The following RPS6KA2 variants were observed in gnomAD, a reference collection of about 807,000 sequenced individuals.
The protein encoded by RPS6KA2 is ribosomal protein S6 kinase A2.
In RPS6KA2, 42 loss-of-function variants were observed where a neutral mutation model predicts 91.8. The ratio of observed to expected loss-of-function variants is 0.46; its 90% confidence interval spans 0.36 to 0.59. The LOEUF is 0.59. Ranked by LOEUF, RPS6KA2 falls within the 20% of genes least tolerant of loss-of-function variation. The probability of loss-of-function intolerance (pLI) is 0.00; values close to 1 mark genes in which losing one functional copy is unlikely to be tolerated. For synonymous variants in RPS6KA2, 414 were observed against 393.6 expected, an observed-to-expected ratio of 1.05 and a Z score of -0.61; for missense variants, 798 against 978.5, an observed-to-expected ratio of 0.82 and a Z score of 2.46.
chr6:166,508,552 C>T lies in RPS6KA2; in HGVS notation c.380-270G>A, dbSNP rs189864398. Among the ~76,000 whole-genome samples, 2 of 152,174 alleles carry T rather than the reference C, an allele frequency of 1.3e-5. No homozygotes were observed. Among genetic ancestry groups the T allele is most frequent in the East Asian group, 1.9e-4 (1 of 5,176 alleles). ...CTCTCCCCTCCCTCCCTTTTTTAAT[C>T]ACAAAGGAATTGAAAGATACACGGG... On this transcript the variant is annotated intron_variant, in intron 4 of 20. Coordinates refer to ENST00000265678, the MANE Select transcript of RPS6KA2 (RefSeq NM_021135.6). This position sits in a 1 kb window ranked among gnomAD's most constrained non-coding sequence, Gnocchi z 4.3.
chr6:166,804,964 C>G (rs944767189), intron 2 of RPS6KA2, among the ~76,000 whole-genome samples: 2 of 152,214 alleles, frequency 1.3e-5, no homozygotes, highest in Non-Finnish European at 1.5e-5. Context: ...CTTTTTCTCT[C>G]TTTCCTCTTG....
intron 2 of RPS6KA2, among the ~76,000 whole-genome samples, chr6:166,758,764 G>A (rs1778091673): frequency 6.6e-6 from 1 of 152,200 alleles, no homozygotes; most frequent in African/African-American, 2.4e-5. Flanking sequence ...AAGGCAAAGA[G>A]GAAATTTAAG....
intron 2 of RPS6KA2, among the ~76,000 whole-genome samples, chr6:166,532,377 G>A (rs1347758539): frequency 6.6e-6 from 1 of 152,196 alleles, no homozygotes; most frequent in Non-Finnish European, 1.5e-5. Flanking sequence ...AGGAGCAGGG[G>A]CTGCTAGGGC....
chr6:166,810,300 G>A (rs926077508), intron 2 of RPS6KA2, among the ~76,000 whole-genome samples: 2 of 152,182 alleles, frequency 1.3e-5, no homozygotes, highest in African/African-American at 4.8e-5. Flanking sequence ...ATCAGATGAT[G>A]TGTGGGTGCG....
intron 2 of RPS6KA2, among the ~76,000 whole-genome samples, chr6:166,654,903 G>A (rs1001074782): frequency 3.3e-5 from 5 of 152,168 alleles, no homozygotes; most frequent in African/African-American, 9.7e-5. Flanking sequence ...TAAGTAGGAT[G>A]TGGGGCAATA....
At chr6:166,837,480 C>A (rs376222745) in intron 2 of RPS6KA2, among the ~76,000 whole-genome samples, 1 of 152,194 alleles carries the variant, frequency 6.6e-6, no homozygotes, top group Non-Finnish European at 1.5e-5. Flanking sequence ...AGGGAAAAGG[C>A]GACCGCAGGG....
rs1778429865 is a variant in RPS6KA2 at position 166,770,240 on chromosome 6, A to G, written c.123+87960T>C. Among the ~76,000 whole-genome samples, 1 of 152,208 alleles carries G rather than the reference A, an allele frequency of 6.6e-6. No homozygotes were observed. The highest frequency in any genetic ancestry group is 6.5e-5 in the Admixed American group (1 of 15,282). ...CCAAAGCATTGAAAACAGCTATTAA[A>G]CTATCTTTAAAAATGTCTTATTAAT... On this transcript the variant is annotated intron_variant, in intron 2 of 21. Coordinates refer to the RPS6KA2 transcript ENST00000503859. The surrounding 1 kb of genome is among the most constrained non-coding windows in gnomAD (Gnocchi z 5.1).
chr6:166,594,388 C>T (rs1342393073), intron 1 of RPS6KA2, among the ~76,000 whole-genome samples: 1 of 152,004 alleles, frequency 6.6e-6, no homozygotes, highest in African/African-American at 2.4e-5. Context: ...TTTTAGTAAG[C>T]AGATCAAATA....
At chr6:166,793,096 C>T (rs1337634635) in intron 2 of RPS6KA2, among the ~76,000 whole-genome samples, 1 of 152,036 alleles carries the variant, frequency 6.6e-6, no homozygotes, top group Non-Finnish European at 1.5e-5. Flanking sequence ...GATTGTATAT[C>T]TAGAAAACCC....
chr6:166,695,491 G>T (rs1218957873), intron 2 of RPS6KA2, among the ~76,000 whole-genome samples: 5 of 152,194 alleles, frequency 3.3e-5, no homozygotes, highest in South Asian at 4.1e-4. Flanking sequence ...TTAATTAGAA[G>T]AATGTATTTT....
chr6:166,486,840 C>T (rs940828661), intron 10 of RPS6KA2, among the ~76,000 whole-genome samples: 1 of 135,700 alleles, frequency 7.4e-6, no homozygotes, highest in Non-Finnish European at 1.5e-5. Flanking sequence ...TTGCCAATGT[C>T]AGGAGACGTT....
rs560415080 is a variant in RPS6KA2, at chr6:166,837,430, G to T, written c.123+20770C>A. Reference sequence around the variant, plus strand: ...GCTCCCACCTCTTCCCCGAAGCAGGGCCTTCCCCCTCCCACTGGCTAAGGG... The same window carrying T: ...GCTCCCACCTCTTCCCCGAAGCAGGTCCTTCCCCCTCCCACTGGCTAAGGG... On this transcript the variant is annotated intron_variant, in intron 2 of 21. Coordinates refer to the RPS6KA2 transcript ENST00000503859. 8.2e-3 allele frequency among the ~76,000 whole-genome samples: 1,255 copies of T among 152,320 alleles called. 6 individuals are homozygous for T. Among genetic ancestry groups the T allele is most frequent in the Non-Finnish European group, 0.013 (881 of 68,016 alleles).
intron 2 of RPS6KA2, among the ~76,000 whole-genome samples, chr6:166,754,366 G>A (rs1583081702): frequency 6.6e-6 from 1 of 152,236 alleles, no homozygotes; most frequent in Non-Finnish European, 1.5e-5. Context: ...CACTGAGCCT[G>A]TCTGGAGGCA....
chr6:166,656,966 G>A (rs939392941), intron 2 of RPS6KA2, among the ~76,000 whole-genome samples: 6 of 152,132 alleles, frequency 3.9e-5, no homozygotes, highest in Admixed American at 2.0e-4. Flanking sequence ...TGTCCTTGGG[G>A]CCCCAAGCCT....
intron 1 of RPS6KA2, among the ~76,000 whole-genome samples, chr6:166,566,061 C>A (rs1784490915): frequency 6.6e-6 from 1 of 152,144 alleles, no homozygotes; most frequent in East Asian, 1.9e-4. Context: ...GTCATGGAAA[C>A]CTAGATGAAA....
At chr6:166,804,859 A>T (rs1779451995) in intron 2 of RPS6KA2, among the ~76,000 whole-genome samples, 1 of 152,218 alleles carries the variant, frequency 6.6e-6, no homozygotes, top group Admixed American at 6.5e-5. Flanking sequence ...AGCATTCCAA[A>T]ATACTTAGAT....
chr6:166,454,754 C>T (rs1780037926), intron 12 of RPS6KA2, among the ~76,000 whole-genome samples: 1 of 151,826 alleles, frequency 6.6e-6, no homozygotes, highest in Non-Finnish European at 1.5e-5. Context: ...CTGACAGAGA[C>T]GTGGCTTCCT....
chr6:166,484,556 T>C (rs1781342444), intron 10 of RPS6KA2, among the ~76,000 whole-genome samples: 1 of 152,186 alleles, frequency 6.6e-6, no homozygotes, highest in African/African-American at 2.4e-5. Flanking sequence ...GCTGGCCTCA[T>C]CCAGTTCCTT....
rs192998055 is a variant in RPS6KA2 at position 166,454,639 on chromosome 6, T to C, written c.1076-3406A>G. On this transcript the variant is annotated intron_variant, in intron 12 of 20. Transcript: ENST00000265678. The stretch of plus-strand genomic sequence containing the variant: ...ATACTCCTCACTAAGACAATCATGG[T>C]CATGGTCAACAGTGGCCCATCTGTA... 7.2e-5 allele frequency among the ~76,000 whole-genome samples: 11 copies of C among 152,324 alleles called. No homozygotes were observed. The East Asian group carries it at 2.1e-3, about 29-fold the overall frequency.
Sources: gnomAD v4.1 joint callset for allele counts (sites outside exome capture counted in the v4.1 genomes callset) on GRCh38, gnomAD v4.1.1 for gene constraint, Gnocchi (gnomAD v3.1) non-coding constraint, MANE v1.5 for transcripts, NCBI Gene and HGNC (gene_info 2026-07-23, HGNC 2026-07-21) for gene names.